DPP10: variants seen among roughly 807,000 people sequenced by gnomAD.
DPP10 encodes the protein inactive dipeptidyl peptidase 10.
A neutral mutation model predicts 120.9 loss-of-function variants in DPP10; 33 were observed. That is an observed-to-expected ratio of 0.27 (90% CI 0.21 to 0.37). The LOEUF (loss-of-function observed/expected upper bound fraction) is 0.37. Ranked by LOEUF, DPP10 falls within the 10% of genes least tolerant of loss-of-function variation. DPP10 has a pLI of 1.00. For synonymous variants in DPP10, 337 were observed against 326.1 expected, an observed-to-expected ratio of 1.03 and a Z score of -0.36; for missense variants, 816 against 942.8, an observed-to-expected ratio of 0.87 and a Z score of 1.76.
In DPP10 at chr2:115,229,448, C is replaced by T. The variant is rs78342523; in HGVS notation, c.61-79791C>T. Among the ~76,000 whole-genome samples the T allele has an allele frequency of 4.4e-3, 663 of 152,226 alleles. 4 individuals are homozygous for T. Among genetic ancestry groups the T allele is most frequent in the African/African-American group, 0.015 (629 of 41,552 alleles). ...TTGATTATTACTCAAGAAATCTTTG[C>T]CAACTACAATGTCCTGATTCCTCAG... On this transcript the variant is annotated intron_variant, in intron 1 of 25. Transcript: ENST00000410059.
chr2:115,516,046 T>C (rs2077488440), intron 4 of DPP10, among the ~76,000 whole-genome samples: 1 of 152,060 alleles, frequency 6.6e-6, no homozygotes, highest in South Asian at 2.1e-4. Context: ...TCTGAGAAAG[T>C]GGACAATACA....
chr2:115,403,034 C>T (rs1372268711), intron 3 of DPP10, among the ~76,000 whole-genome samples: 1 of 148,618 alleles, frequency 6.7e-6, no homozygotes, highest in Non-Finnish European at 1.5e-5. Flanking sequence ...ATTAGCAAAC[C>T]CAGTTCAAGA....
chr2:114,599,408 G>A lies in DPP10; in HGVS notation c.60+156570G>A, dbSNP rs1190681354. On this transcript the variant is annotated intron_variant, in intron 1 of 25. Coordinates refer to ENST00000410059, the MANE Select transcript of DPP10 (RefSeq NM_020868.6). The stretch of plus-strand genomic sequence containing the variant: ...TCACTCATTCTACCACCACCTGTGG[G>A]GGCAACTACTGTTTATTTCTATAAC... Among the ~76,000 whole-genome samples the A allele has an allele frequency of 2.6e-5, 4 of 151,640 alleles. No individual in the cohort carries two copies. In the East Asian group the frequency reaches 7.7e-4, roughly 29 times the overall value.
At chr2:115,432,028 A>G (rs1326373708) in intron 3 of DPP10, among the ~76,000 whole-genome samples, 1 of 152,166 alleles carries the variant, frequency 6.6e-6, no homozygotes, top group Non-Finnish European at 1.5e-5. Flanking sequence ...GCCATTAAAC[A>G]TCGTAAGTTA....
At chr2:114,691,880 A>G (rs1314155323) in intron 1 of DPP10, among the ~76,000 whole-genome samples, 1 of 151,950 alleles carries the variant, frequency 6.6e-6, no homozygotes, top group Non-Finnish European at 1.5e-5. Context: ...AGAGATGTTT[A>G]TAGTATTCTC....
intron 1 of DPP10, among the ~76,000 whole-genome samples, chr2:114,855,216 T>C (rs2106504942): frequency 6.6e-6 from 1 of 152,308 alleles, no homozygotes; most frequent in East Asian, 1.9e-4. Flanking sequence ...ATCTCAATTG[T>C]AGAACTTTAT....
At chr2:114,783,890 C>T (rs1682546237) in intron 1 of DPP10, among the ~76,000 whole-genome samples, 1 of 152,124 alleles carries the variant, frequency 6.6e-6, no homozygotes, top group African/African-American at 2.4e-5. Context: ...CTAGTCACTG[C>T]TGTAGTGATC....
intron 1 of DPP10, among the ~76,000 whole-genome samples, chr2:114,502,685 C>A (rs781394065): frequency 3.9e-5 from 6 of 152,266 alleles, no homozygotes; most frequent in South Asian, 2.1e-4. Context: ...ATCGAAATAT[C>A]TTCCCCACAC....
chr2:114,898,686 A>T (rs1423254236), intron 1 of DPP10, among the ~76,000 whole-genome samples: 1 of 152,196 alleles, frequency 6.6e-6, no homozygotes, highest in Admixed American at 6.5e-5. Context: ...TTTAACAATA[A>T]TAACAACTAT....
At chr2:115,709,767 C>CA (rs982138669) in intron 7 of DPP10, among the ~76,000 whole-genome samples, 6 of 151,336 alleles carry the variant, frequency 4.0e-5, no homozygotes, top group Non-Finnish European at 5.9e-5. Context: ...AACAAACAAA[C>CA]AAAAAACAGA....
chr2:115,383,153 G>A (rs866922263), intron 3 of DPP10, among the ~76,000 whole-genome samples: 2 of 152,200 alleles, frequency 1.3e-5, no homozygotes, highest in African/African-American at 2.4e-5. Context: ...ATTGAGTGAT[G>A]ATGTGGTTTG....
chr2:114,976,185 C>T (rs1699745697), intron 1 of DPP10, among the ~76,000 whole-genome samples: 1 of 152,100 alleles, frequency 6.6e-6, no homozygotes, highest in Non-Finnish European at 1.5e-5. Flanking sequence ...ATTTTTACAG[C>T]ATTAGTTGAT....
intron 1 of DPP10, among the ~76,000 whole-genome samples, chr2:114,824,222 T>C (rs1686338008): frequency 6.6e-6 from 1 of 152,176 alleles, no homozygotes. Context: ...TACTGTGAAA[T>C]GAAAGAAATA....
chr2:115,083,254 A>G (rs561480085), intron 1 of DPP10, among the ~76,000 whole-genome samples: 22 of 152,214 alleles, frequency 1.4e-4, no homozygotes, highest in African/African-American at 5.1e-4. Flanking sequence ...TTCTATTTCA[A>G]TGACCACTTT....
chr2:115,233,153 T>A (rs1161290055), intron 1 of DPP10, among the ~76,000 whole-genome samples: 1 of 152,096 alleles, frequency 6.6e-6, no homozygotes, highest in African/African-American at 2.4e-5. Context: ...TTCTGTTATA[T>A]AAAATAGAAT....
chr2:115,619,918 G>T (rs2084818990), intron 5 of DPP10, among the ~76,000 whole-genome samples: 1 of 152,170 alleles, frequency 6.6e-6, no homozygotes, highest in Non-Finnish European at 1.5e-5. Context: ...GAACCTAATT[G>T]TGGTAATCAT....
At chr2:114,711,537 T>TAC (rs1701030724) in intron 1 of DPP10, among the ~76,000 whole-genome samples, 1 of 152,216 alleles carries the variant, frequency 6.6e-6, no homozygotes, top group African/African-American at 2.4e-5. Flanking sequence ...TAATAGAATG[T>TAC]ACTCATAAGA....
At chr2:115,018,189 A>G (rs755212505) in intron 1 of DPP10, among the ~76,000 whole-genome samples, 133 of 152,194 alleles carry the variant, frequency 8.7e-4, no homozygotes, top group Non-Finnish European at 1.6e-3. Flanking sequence ...AATGGCGATC[A>G]TTAAAAAGTT....
At chr2:115,337,203 A>C (rs2063193466) in intron 2 of DPP10, among the ~76,000 whole-genome samples, 1 of 152,054 alleles carries the variant, frequency 6.6e-6, no homozygotes, top group African/African-American at 2.4e-5. Context: ...CTCTTTGAGA[A>C]AAGAGGATAT....
Sources: gnomAD v4.1 joint callset for allele counts (sites outside exome capture counted in the v4.1 genomes callset) on GRCh38, gnomAD v4.1.1 for gene constraint, MANE v1.5 for transcripts, NCBI Gene and HGNC (gene_info 2026-07-23, HGNC 2026-07-21) for gene names.